C4BPA: variants seen among roughly 807,000 people sequenced by gnomAD.
C4BPA encodes the protein complement component 4 binding protein alpha.
In C4BPA, 31 loss-of-function variants were observed where a neutral mutation model predicts 63.7. That is an observed-to-expected ratio of 0.49 (90% CI 0.37 to 0.66). C4BPA has a LOEUF of 0.66. Among genes scored for constraint, C4BPA ranks in the 30% least tolerant of loss-of-function variants. The pLI, the probability that C4BPA is intolerant of heterozygous loss-of-function variation, is 0.00. For synonymous variants in C4BPA, 259 were observed against 254.7 expected (o/e 1.02, Z -0.16); for missense variants, 572 against 723.3 (o/e 0.79, Z 2.40).
rs753247971 is a variant in C4BPA, at chr1:207,144,562, G to T, written c.1639G>T (p.Glu547Ter). The T allele has an allele frequency of 6.2e-7, 1 of 1,611,670 alleles. No homozygotes were observed. The highest frequency in any genetic ancestry group is 8.5e-7 in the Non-Finnish European group (1 of 1,179,350). ...CTTTTAGGAGACCCCCGAAGGCTGT[G>T]AACAAGTGCTCACAGGCAAAAGACT... ...KCEWETPEGCEQVLTGKRLMQ... is the reference protein window; with the variant it reads ...KCEWETPEGC The change falls in exon 12 of 12, where the codon GAA becomes TAA. Residue 547 changes from glutamate (E) to a stop codon, truncating the protein, a stop_gained. Coordinates refer to ENST00000367070, the MANE Select transcript of C4BPA (RefSeq NM_000715.4). LOFTEE classifies it low-confidence loss of function (END_TRUNC).
intron 3 of C4BPA, 25 bp from the exon 4 acceptor site, chr1:207,115,391 A>C (rs1213994336): frequency 7.7e-7 from 1 of 1,300,726 alleles, no homozygotes; most frequent in African/African-American, 1.5e-5. Context: ...GGAAGTACTA[A>C]TCATCATTTA....
intron 9 of C4BPA, among the ~76,000 whole-genome samples, chr1:207,138,435 A>T (rs951041747): frequency 2.0e-5 from 3 of 152,172 alleles, no homozygotes; most frequent in Non-Finnish European, 1.5e-5. Context: ...AGCTTTCTCT[A>T]TCAGGACCTG....
chr1:207,127,180 A>G (rs1685066114), intron 7 of C4BPA: 3 of 215,272 alleles, frequency 1.4e-5, no homozygotes, highest in Non-Finnish European at 1.8e-5. Context: ...TTGTATATTT[A>G]TTTCAATAAT....
intron 3 of C4BPA, among the ~76,000 whole-genome samples, chr1:207,114,964 G>T (rs79498904): frequency 0.064 from 9,732 of 152,238 alleles, 900 homozygotes; most frequent in African/African-American, 0.2. Flanking sequence ...CAAAATATTT[G>T]CTGTGTTTTG....
chr1:207,105,939 T>C (rs1684551049), intron 1 of C4BPA, among the ~76,000 whole-genome samples: 1 of 152,206 alleles, frequency 6.6e-6, no homozygotes, highest in Non-Finnish European at 1.5e-5. Context: ...GTGAAGTCCT[T>C]GAAATATGAA....
chr1:207,124,127 C>T (rs1258228110), intron 5 of C4BPA, 48 bp from the exon 6 acceptor site: 1 of 1,570,004 alleles, frequency 6.4e-7, no homozygotes, highest in Admixed American at 1.7e-5. Flanking sequence ...TTAGATTTAT[C>T]ATGATGCCTT....
chr1:207,113,672 A>G (rs899812417), intron 2 of C4BPA, among the ~76,000 whole-genome samples: 7 of 152,284 alleles, frequency 4.6e-5, no homozygotes, highest in Middle Eastern at 3.4e-3. Flanking sequence ...CCCTTCCCTG[A>G]GGCAACCAAA....
intron 2 of C4BPA, 30 bp downstream of exon 2, chr1:207,113,197 C>T (rs1230783692): frequency 6.3e-7 from 1 of 1,597,802 alleles, no homozygotes; most frequent in Non-Finnish European, 8.5e-7. Context: ...CTCAAATCAG[C>T]AACAAACAAT....
chr1:207,120,039 C>T (rs1006217199), intron 4 of C4BPA, among the ~76,000 whole-genome samples: 8 of 152,118 alleles, frequency 5.3e-5, no homozygotes, highest in African/African-American at 1.9e-4. Context: ...TAAGGGGGTG[C>T]ACCCAGTATG....
chr1:207,113,142 C>T lies in C4BPA; in HGVS notation c.117C>T (p.Ile39=), dbSNP rs551665804. The change falls in exon 2 of 12, where the codon ATC becomes ATT. Residue 39 remains isoleucine, a synonymous_variant. Coordinates refer to ENST00000367070, the MANE Select transcript of C4BPA (RefSeq NM_000715.4). ...CAATTCTCTTCCAAATGACCTTGAT[C>T]GCTGCTCTGTTGCCTGCTGTTCTTG... ...SDPILFQMTL[I]AALLPAVLGN... is the part of the protein sequence containing the mutation. The T allele has an allele frequency of 1.7e-5, 28 of 1,611,148 alleles. No homozygotes were observed. In the African/African-American group the frequency reaches 2.4e-4, roughly 14 times the overall value.
Position 207,126,924 on chromosome 1 carries a change from T to C in C4BPA, c.889+29T>C, listed in dbSNP as rs745975207. The C allele has an allele frequency of 1.8e-4, 286 of 1,579,284 alleles. 3 individuals carry two copies. Among genetic ancestry groups the C allele is most frequent in the Middle Eastern group, 1.7e-4 (1 of 6,016 alleles). ...AGTATGGACTGTGACAGAATTTCAA[T>C]GTTTGGCATCTAAAGGTACCCCGTA... On this transcript the variant is annotated intron_variant, in intron 7 of 11. Coordinates refer to ENST00000367070, the MANE Select transcript of C4BPA (RefSeq NM_000715.4).
At chr1:207,126,589 T>A in intron 6 of C4BPA, 124 bp from the exon 7 acceptor site, 1 of 622,430 alleles carries the variant, frequency 1.6e-6, no homozygotes, top group Non-Finnish European at 2.8e-6. Context: ...TTCCCTTGTA[T>A]CTACTTGACA....
chr1:207,139,953 C>A (rs555338888), intron 9 of C4BPA, among the ~76,000 whole-genome samples: 51 of 152,282 alleles, frequency 3.3e-4, no homozygotes, highest in African/African-American at 1.1e-3. Flanking sequence ...TCCTTAATTT[C>A]TTTTGATGGT....
At chr1:207,117,621 G>T (rs145156625) in intron 4 of C4BPA, among the ~76,000 whole-genome samples, 1 of 152,266 alleles carries the variant, frequency 6.6e-6, no homozygotes, top group East Asian at 1.9e-4. Context: ...CAGGAGAAAA[G>T]CACACAGGTT....
intron 8 of C4BPA, among the ~76,000 whole-genome samples, chr1:207,133,168 T>A (rs190151422): frequency 1.2e-4 from 18 of 152,364 alleles, no homozygotes; most frequent in Admixed American, 1.2e-3. Context: ...ATGACTTACA[T>A]ATTTAAAAGT....
chr1:207,131,158 T>G (rs748482346), intron 7 of C4BPA, among the ~76,000 whole-genome samples: 15 of 152,222 alleles, frequency 9.9e-5, no homozygotes, highest in Admixed American at 2.6e-4. Context: ...TGGTATCATC[T>G]GGATGAGGGG....
Position 207,113,084 on chromosome 1 carries a change from G to A in C4BPA, c.59G>A (p.Trp20Ter). 2 of 1,610,132 alleles carry A rather than the reference G, an allele frequency of 1.2e-6. No individual in the cohort carries two copies. Among genetic ancestry groups the A allele is most frequent in the Non-Finnish European group, 1.7e-6 (2 of 1,178,366 alleles). Residue 20 changes from tryptophan (W) to a stop codon, truncating the protein, a stop_gained, in exon 2 of 12, where the codon TGG (tryptophan) becomes TAG (stop). Coordinates refer to ENST00000367070, the MANE Select transcript of C4BPA (RefSeq NM_000715.4). LOFTEE classifies it high-confidence loss of function. ...ALHRKRKMAA[W>*]PFSRLWKVSD... ...CATAGAAAAAGGAAAATGGCAGCCT[G>A]GCCCTTCTCCAGGCTGTGGAAAGTC...
intron 7 of C4BPA, among the ~76,000 whole-genome samples, chr1:207,127,703 C>A (rs1005079122): frequency 6.6e-6 from 1 of 152,166 alleles, no homozygotes; most frequent in African/African-American, 2.4e-5. Flanking sequence ...CATTCAAAGT[C>A]TCTGGAGAGT....
Position 207,141,119 on chromosome 1 carries a change from T to G in C4BPA, c.1287T>G (p.Pro429=), listed in dbSNP as rs2102366123. ...TPSCGDICNF[P]PKIAHGHYKQ... is the part of the protein sequence containing the mutation. The stretch of plus-strand genomic sequence containing the variant: ...CTCTCCCTCAAGTTTGCAATTTTCC[T>G]CCTAAAATTGCCCATGGGCATTATA... Residue 429 remains proline, a synonymous_variant, in exon 10 of 12, where the codon CCT becomes CCG. Coordinates refer to ENST00000367070, the MANE Select transcript of C4BPA (RefSeq NM_000715.4). 6.2e-7 allele frequency: 1 copy of G among 1,610,490 alleles called. No homozygotes were observed. The highest frequency in any genetic ancestry group is 1.1e-5 in the South Asian group (1 of 90,690).
Sources: gnomAD v4.1 joint callset for allele counts (sites outside exome capture counted in the v4.1 genomes callset) on GRCh38, gnomAD v4.1.1 for gene constraint, MANE v1.5 for transcripts, NCBI Gene and HGNC (gene_info 2026-07-23, HGNC 2026-07-21) for gene names.